The following FBLN1 variants were observed in gnomAD, a reference collection of about 807,000 sequenced individuals.
FBLN1 encodes the protein fibulin 1, also known as fibulin-1.
FBLN1 carries 34 observed loss-of-function variants against 89.7 expected under a neutral mutation model. The observed-to-expected ratio is 0.38, with a 90% CI of 0.29 to 0.50. FBLN1 has a LOEUF of 0.50. Ranked by LOEUF, FBLN1 falls within the 20% of genes least tolerant of loss-of-function variation. FBLN1 has a pLI of 0.92. For synonymous variants in FBLN1, 393 were observed against 391.3 expected (o/e 1.00, Z -0.05); for missense variants, 777 against 988.1 (o/e 0.79, Z 2.86).
At chr22:45,586,971 C>T (rs2089092431) in intron 16 of FBLN1, among the ~76,000 whole-genome samples, 1 of 152,072 alleles carries the variant, frequency 6.6e-6, no homozygotes, top group South Asian at 2.1e-4. Context: ...TATTCTGGGA[C>T]CTTGACATGC....
rs1162750894 is a variant in FBLN1, at chr22:45,531,862, T to C, written c.544+538T>C. Among the ~76,000 whole-genome samples, 1 of 152,180 alleles carries C rather than the reference T, an allele frequency of 6.6e-6. No homozygotes were observed. The highest frequency in any genetic ancestry group is 1.5e-5 in the Non-Finnish European group (1 of 68,032). On this transcript the variant is annotated intron_variant, in intron 5 of 16. Coordinates refer to ENST00000327858, the MANE Select transcript of FBLN1 (RefSeq NM_006486.3). This position sits in a 1 kb window ranked among gnomAD's most constrained non-coding sequence, Gnocchi z 4.9. ...AGGCCTTGTGAAGGTGACAGAGGCC[T>C]CCCTCAGGCTCTCAGGGGAGAGGAG...
In FBLN1 at chr22:45,557,365, C is replaced by G. The variant is rs2088801779; in HGVS notation, c.1697+6750C>G. On this transcript the variant is annotated intron_variant, in intron 14 of 16. Coordinates refer to ENST00000327858, the MANE Select transcript of FBLN1 (RefSeq NM_006486.3). This position sits in a 1 kb window ranked among gnomAD's most constrained non-coding sequence, Gnocchi z 4.9. ...TGCCATTTCCATGATGGAAGAGGTC[C>G]AGTATAATCAACCTGCCACCAGGTA... Among the ~76,000 whole-genome samples, 1 of 152,176 alleles carries G rather than the reference C, an allele frequency of 6.6e-6. No individual in the cohort carries two copies. Among genetic ancestry groups the G allele is most frequent in the Admixed American group, 6.5e-5 (1 of 15,280 alleles).
chr22:45,525,213 AAG>A (rs1280919638), intron 2 of FBLN1, among the ~76,000 whole-genome samples: 27 of 147,150 alleles, frequency 1.8e-4, no homozygotes, highest in South Asian at 4.6e-4. Flanking sequence ...GAAAGAAAGA[AAG>A]AGAGAAAAAG....
chr22:45,524,627 G>T (rs1223483025), intron 2 of FBLN1, among the ~76,000 whole-genome samples: 1 of 152,142 alleles, frequency 6.6e-6, no homozygotes, highest in Non-Finnish European at 1.5e-5. Context: ...GGGGTGGAAG[G>T]TTGGGCCCAG....
In FBLN1 at chr22:45,580,967, A is replaced by G. The variant is rs945719782; in HGVS notation, c.1972+3859A>G. ...TTTAACCGGCTGTCAAAGAAAAATG[A>G]AGAATGCGTTTTCGCCCTGTGCAAA... On this transcript the variant is annotated intron_variant, in intron 16 of 16. Coordinates refer to ENST00000327858, the MANE Select transcript of FBLN1 (RefSeq NM_006486.3). The surrounding 1 kb of genome is among the most constrained non-coding windows in gnomAD (Gnocchi z 8.6). 2.6e-5 allele frequency among the ~76,000 whole-genome samples: 4 copies of G among 152,244 alleles called. No homozygotes were observed. Among genetic ancestry groups the G allele is most frequent in the African/African-American group, 9.6e-5 (4 of 41,468 alleles).
intron 14 of FBLN1, among the ~76,000 whole-genome samples, chr22:45,573,841 C>T (rs990807973): frequency 1.3e-5 from 2 of 152,048 alleles, no homozygotes; most frequent in Admixed American, 6.6e-5. Flanking sequence ...ATTATAAAGG[C>T]GTTTGCCTTG....
intron 11 of FBLN1, among the ~76,000 whole-genome samples, chr22:45,544,638 G>A (rs1456845423): frequency 6.6e-6 from 1 of 152,208 alleles, no homozygotes; most frequent in Non-Finnish European, 1.5e-5. Context: ...AAATTCTTTT[G>A]GCAGCATTGA....
intron 16 of FBLN1, among the ~76,000 whole-genome samples, chr22:45,584,456 G>A (rs1601539075): frequency 6.6e-6 from 1 of 152,206 alleles, no homozygotes; most frequent in African/African-American, 2.4e-5. Context: ...CCCCTTTTAG[G>A]CAAAGTGTGA....
intron 14 of FBLN1, among the ~76,000 whole-genome samples, chr22:45,554,983 C>T (rs749442160): frequency 2.0e-5 from 3 of 149,268 alleles, no homozygotes; most frequent in Non-Finnish European, 4.4e-5. Context: ...AGTTAGGACC[C>T]GTCCCCGTCT....
rs1362056192 is a variant in FBLN1, at chr22:45,532,882, T to G, written c.545-181T>G. The G allele has an allele frequency of 2.0e-5, 13 of 636,612 alleles. No homozygotes were observed. In the Admixed American group the frequency reaches 2.8e-4, roughly 14 times the overall value. 39.4% of individuals were successfully genotyped at this position (636,612 alleles called of 1,614,324 possible). A position where few individuals can be genotyped will look rare whatever the true frequency, so the allele number is the denominator to read the frequency against. On this transcript the variant is annotated intron_variant, in intron 5 of 16. Transcript: ENST00000327858. This position sits in a 1 kb window ranked among gnomAD's most constrained non-coding sequence, Gnocchi z 4.2. Reference sequence around the variant, plus strand: ...ACCTGAAGCAGCAGCCCCTGGGGGGTGTCCAGAGCCAGAGCCTGGGGGTCT... The same window carrying G: ...ACCTGAAGCAGCAGCCCCTGGGGGGGGTCCAGAGCCAGAGCCTGGGGGTCT...
chr22:45,531,078 T>C lies in FBLN1; in HGVS notation c.485-187T>C, dbSNP rs1221227807. Among the ~76,000 whole-genome samples, 2 of 152,196 alleles carry C rather than the reference T, an allele frequency of 1.3e-5. No homozygotes were observed. The highest frequency in any genetic ancestry group is 1.3e-4 in the Admixed American group (2 of 15,272). ...CACGCCTGGCCTATAATTGATCAGA[T>C]ATCAATTATACATTTTCAAGTGTAA... On this transcript the variant is annotated intron_variant, in intron 4 of 16. Coordinates refer to ENST00000327858, the MANE Select transcript of FBLN1 (RefSeq NM_006486.3). The surrounding 1 kb of genome is among the most constrained non-coding windows in gnomAD (Gnocchi z 4.9).
At chr22:45,538,516 A>C (rs2146975941) in intron 8 of FBLN1, among the ~76,000 whole-genome samples, 1 of 152,198 alleles carries the variant, frequency 6.6e-6, no homozygotes, top group African/African-American at 2.4e-5. Context: ...CCCACTTGAC[A>C]GGGTATTTAG....
chr22:45,509,900 C>T (rs1174573011), intron 1 of FBLN1, among the ~76,000 whole-genome samples: 1 of 152,040 alleles, frequency 6.6e-6, no homozygotes, highest in African/African-American at 2.4e-5. Context: ...GGGGTGGGGG[C>T]ATGATCCTTT....
chr22:45,537,868 C>T lies in FBLN1; in HGVS notation c.922+2531C>T, dbSNP rs1378454849. 6.6e-6 allele frequency among the ~76,000 whole-genome samples: 1 copy of T among 152,138 alleles called. No individual in the cohort carries two copies. Among genetic ancestry groups the T allele is most frequent in the Non-Finnish European group, 1.5e-5 (1 of 68,032 alleles). On this transcript the variant is annotated intron_variant, in intron 8 of 16. Coordinates refer to ENST00000327858, the MANE Select transcript of FBLN1 (RefSeq NM_006486.3). This position sits in a 1 kb window ranked among gnomAD's most constrained non-coding sequence, Gnocchi z 5.7. The stretch of plus-strand genomic sequence containing the variant: ...GAAGCCATGGGCTCTCCGGGACCAG[C>T]GGGGAGGATAGTCCTGCTCAGACTT...
Position 45,574,528 on chromosome 22 carries a change from C to G in FBLN1, c.1715C>G (p.Thr572Arg). The change falls in exon 15 of 17, where the codon ACA (threonine) becomes AGA (arginine). Residue 572 changes from threonine (T) to arginine (R), a missense_variant. Transcript: ENST00000327858. This position sits in a 1 kb window ranked among gnomAD's most constrained non-coding sequence, Gnocchi z 4.1. The stretch of plus-strand genomic sequence containing the variant: ...CCCCTCAGGCTCCAGCAGGAGAAGA[C>G]AGACACGGTCCGCTGCATCAAGTCC... ...RSAATLQQEK[T>R]DTVRCIKSCR... 1 of 1,614,178 alleles carries G rather than the reference C, an allele frequency of 6.2e-7. No individual in the cohort carries two copies. The highest frequency in any genetic ancestry group is 1.1e-5 in the South Asian group (1 of 91,086).
chr22:45,521,068 G>A (rs1214526488), intron 2 of FBLN1, among the ~76,000 whole-genome samples: 3 of 152,116 alleles, frequency 2.0e-5, no homozygotes, highest in Admixed American at 1.3e-4. Context: ...CTCCTGCCTT[G>A]GCCTCCTAAA....
Position 45,533,064 on chromosome 22 carries a change from A to C in FBLN1, c.546A>C (p.Gly182=). 1 of 1,613,738 alleles carries C rather than the reference A, an allele frequency of 6.2e-7. No individual in the cohort carries two copies. The highest frequency in any genetic ancestry group is 8.5e-7 in the Non-Finnish European group (1 of 1,179,664). Residue 182 remains glycine (G), a splice_region_variant and synonymous_variant, in exon 6 of 17, where the codon GGA becomes GGC. Transcript: ENST00000327858. ...GGCTCATGCACGCTGTGCTTCCAGGAGGCGGGCCCTGCAAGCAGCAGTGCC... is the reference window on the plus strand; with the variant it reads ...GGCTCATGCACGCTGTGCTTCCAGGCGGCGGGCCCTGCAAGCAGCAGTGCC... The part of the protein sequence containing the change: ...EDPYLNDRCR[G]GGPCKQQCRD...
chr22:45,547,140 C>T lies in FBLN1; in HGVS notation c.1377C>T (p.Gly459=), dbSNP rs777786177. 1.9e-6 allele frequency: 3 copies of T among 1,614,150 alleles called. No homozygotes were observed. Among genetic ancestry groups the T allele is most frequent in the Non-Finnish European group, 2.5e-6 (3 of 1,180,026 alleles). The change falls in exon 12 of 17, where the codon GGC becomes GGT. Residue 459 remains glycine, a synonymous_variant. Transcript: ENST00000327858. ...GCCAGGAGTGTGCCAACGTCTACGG[C>T]TCCTACCAGTGTTACTGCCGGCGAG... ...PCSQECANVY[G]SYQCYCRRGY...
At chr22:45,525,167 GAGAA>G (rs1363345430) in intron 2 of FBLN1, among the ~76,000 whole-genome samples, 2 of 136,484 alleles carry the variant, frequency 1.5e-5, no homozygotes, top group Non-Finnish European at 3.1e-5. Context: ...GAAGGAAAGA[GAGAA>G]AGGGAGAAAG....
Sources: gnomAD v4.1 joint callset for allele counts (sites outside exome capture counted in the v4.1 genomes callset) on GRCh38, gnomAD v4.1.1 for gene constraint, Gnocchi (gnomAD v3.1) non-coding constraint, MANE v1.5 for transcripts, NCBI Gene and HGNC (gene_info 2026-07-23, HGNC 2026-07-21) for gene names.